The following CPA6 variants were observed in gnomAD, a reference collection of about 807,000 sequenced individuals.
CPA6 encodes carboxypeptidase A6.
A neutral mutation model predicts 63.3 loss-of-function variants in CPA6; 58 were observed. The observed-to-expected ratio is 0.92, with a 90% CI of 0.74 to 1.14. The LOEUF is 1.14. Among genes scored for constraint, CPA6 ranks in the 50% most tolerant of loss-of-function variants. The pLI is 0.00. For synonymous variants in CPA6, 185 were observed against 179.0 expected (o/e 1.03, Z -0.27); for missense variants, 565 against 526.6 (o/e 1.07, Z -0.71).
intron 1 of CPA6, among the ~76,000 whole-genome samples, chr8:67,636,836 T>TAA (rs1413697738): frequency 6.6e-6 from 1 of 151,634 alleles, no homozygotes; most frequent in Non-Finnish European, 1.5e-5. Context: ...TTCTCTATTA[T>TAA]AAAGTGCTTG....
At chr8:67,473,901 C>T (rs1339987210) in intron 8 of CPA6, among the ~76,000 whole-genome samples, 1 of 151,872 alleles carries the variant, frequency 6.6e-6, no homozygotes, top group East Asian at 1.9e-4. Flanking sequence ...GCCACCATGA[C>T]TGGTAGCAGA....
intron 2 of CPA6, among the ~76,000 whole-genome samples, chr8:67,533,504 G>T (rs7831538): frequency 6.6e-6 from 1 of 151,848 alleles, no homozygotes; most frequent in Non-Finnish European, 1.5e-5. Context: ...AAATGAATTC[G>T]GGCACTATAG....
In CPA6 at chr8:67,498,535, C is replaced by CAAA. The variant is rs397940852; in HGVS notation, c.636+8249_636+8251dup. Among the ~76,000 whole-genome samples, 189 of 33,128 alleles carry CAAA rather than the reference C, an allele frequency of 5.7e-3. 6 individuals carry two copies. The highest frequency in any genetic ancestry group is 0.01 in the African/African-American group (175 of 17,350). The allele number at this position is 33,128 out of a possible 152,430, so 21.7% of individuals were successfully genotyped here. ...TGGGTGACAGAGCGAGACTCCATCT[C>CAAA]AAAAAAAAAAAAAAAAAAAAAAAAA... On this transcript the variant is annotated intron_variant, in intron 6 of 10. Coordinates refer to ENST00000297770, the MANE Select transcript of CPA6 (RefSeq NM_020361.5).
At chr8:67,634,497 C>G (rs1007037226) in intron 1 of CPA6, among the ~76,000 whole-genome samples, 1 of 151,504 alleles carries the variant, frequency 6.6e-6, no homozygotes, top group African/African-American at 2.4e-5. Flanking sequence ...GGATTACAGG[C>G]GTGAGCCACA....
At chr8:67,613,975 T>A (rs1332456059) in intron 2 of CPA6, among the ~76,000 whole-genome samples, 1 of 152,138 alleles carries the variant, frequency 6.6e-6, no homozygotes, top group African/African-American at 2.4e-5. Flanking sequence ...TCCAGCTCCC[T>A]ATCCATCCCA....
intron 9 of CPA6, among the ~76,000 whole-genome samples, chr8:67,430,696 G>A (rs750761489): frequency 5.9e-5 from 9 of 152,028 alleles, no homozygotes; most frequent in African/African-American, 1.7e-4. Context: ...CATCTTAGAC[G>A]GAATAATTCT....
At chr8:67,544,638 G>A (rs1812775073) in intron 2 of CPA6, among the ~76,000 whole-genome samples, 1 of 152,182 alleles carries the variant, frequency 6.6e-6, no homozygotes, top group Non-Finnish European at 1.5e-5. Context: ...GAGACATCAT[G>A]CTGCTTTACG....
Position 67,706,727 on chromosome 8 carries a change from G to A in CPA6, c.116+39287C>T, listed in dbSNP as rs149410961. 2.0e-3 allele frequency among the ~76,000 whole-genome samples: 301 copies of A among 152,068 alleles called. 3 individuals carry two copies. The highest frequency in any genetic ancestry group is 0.011 in the South Asian group (55 of 4,816). ...CACAACATAGTTTTCTTATATGAAC[G>A]TTCTACTCTTTAATGAAAAATTGTA... On this transcript the variant is annotated intron_variant, in intron 1 of 10. Transcript: ENST00000297770.
At chr8:67,629,250 T>C (rs1303096294) in intron 1 of CPA6, among the ~76,000 whole-genome samples, 2 of 151,962 alleles carry the variant, frequency 1.3e-5, no homozygotes, top group Non-Finnish European at 2.9e-5. Flanking sequence ...GAGAATAGCT[T>C]GAGGCCAGAA....
At chr8:67,654,583 G>T (rs1270989002) in intron 1 of CPA6, among the ~76,000 whole-genome samples, 2 of 152,104 alleles carry the variant, frequency 1.3e-5, no homozygotes, top group African/African-American at 4.8e-5. Flanking sequence ...TGGGATCGGT[G>T]GTGATATCCC....
rs1002653198 is a variant in CPA6, at chr8:67,527,579, A to T, written c.193-9532T>A. 3.9e-5 allele frequency among the ~76,000 whole-genome samples: 6 copies of T among 152,182 alleles called. No homozygotes were observed. The South Asian group carries it at 1.0e-3, about 26-fold the overall frequency. The stretch of plus-strand genomic sequence containing the variant: ...TCCTTAAACTCTATAATCATGCTAG[A>T]CTTAATGTGCTTTTTTGAGTGTAAA... On this transcript the variant is annotated intron_variant, in intron 2 of 10. Coordinates refer to ENST00000297770, the MANE Select transcript of CPA6 (RefSeq NM_020361.5).
chr8:67,742,859 G>A (rs918507103), intron 1 of CPA6, among the ~76,000 whole-genome samples: 1 of 152,088 alleles, frequency 6.6e-6, no homozygotes, highest in Admixed American at 6.5e-5. Flanking sequence ...CAAAAATCAT[G>A]GCCATGTTAG....
chr8:67,476,467 G>A (rs1811239788), intron 8 of CPA6, among the ~76,000 whole-genome samples: 1 of 151,842 alleles, frequency 6.6e-6, no homozygotes, highest in Non-Finnish European at 1.5e-5. Context: ...GGTATGTGGT[G>A]GTCCAAGATC....
chr8:67,567,206 CCT>C (rs570470279), intron 2 of CPA6, among the ~76,000 whole-genome samples: 43 of 152,224 alleles, frequency 2.8e-4, no homozygotes, highest in Admixed American at 1.0e-3. Context: ...CTGTGCAACT[CCT>C]CTCTCTTATG....
intron 2 of CPA6, among the ~76,000 whole-genome samples, chr8:67,623,434 G>A (rs751505274): frequency 6.6e-6 from 1 of 151,506 alleles, no homozygotes; most frequent in Non-Finnish European, 1.5e-5. Flanking sequence ...TTGAGACAGG[G>A]TTTCTCTCTT....
At chr8:67,654,158 G>A (rs1815924927) in intron 1 of CPA6, among the ~76,000 whole-genome samples, 1 of 152,110 alleles carries the variant, frequency 6.6e-6, no homozygotes, top group African/African-American at 2.4e-5. Context: ...ATTTTATTGA[G>A]GATTTTTGCA....
At chr8:67,548,671 A>G (rs1403143261) in intron 2 of CPA6, among the ~76,000 whole-genome samples, 2 of 152,270 alleles carry the variant, frequency 1.3e-5, no homozygotes, top group African/African-American at 2.4e-5. Flanking sequence ...AAAATGTTCT[A>G]TAGGGCAAAC....
At chr8:67,514,942 A>G (rs1812112200) in intron 3 of CPA6, among the ~76,000 whole-genome samples, 1 of 152,222 alleles carries the variant, frequency 6.6e-6, no homozygotes, top group Admixed American at 6.5e-5. Context: ...ACCTTTCTGT[A>G]AAAAGCATAT....
chr8:67,545,761 C>T (rs1440762845), intron 2 of CPA6, among the ~76,000 whole-genome samples: 2 of 151,960 alleles, frequency 1.3e-5, no homozygotes, highest in African/African-American at 4.8e-5. Context: ...CAGGGTTTCT[C>T]CATGTTGGTT....
Sources: gnomAD v4.1 joint callset for allele counts (sites outside exome capture counted in the v4.1 genomes callset) on GRCh38, gnomAD v4.1.1 for gene constraint, MANE v1.5 for transcripts, NCBI Gene and HGNC (gene_info 2026-07-23, HGNC 2026-07-21) for gene names.